Variants in KCTD1 observed in about 807,000 individuals in gnomAD.
KCTD1 encodes potassium channel tetramerization domain containing 1, also known as BTB/POZ domain-containing protein KCTD1.
A neutral mutation model predicts 66.0 loss-of-function variants in KCTD1; 24 were observed. The observed-to-expected ratio is 0.36, with a 90% CI of 0.26 to 0.51. KCTD1 has a LOEUF of 0.51. Among genes scored for constraint, KCTD1 ranks in the 20% least tolerant of loss-of-function variants. KCTD1 has a pLI of 0.95. For missense variants in KCTD1, 943 were observed against 1,205.2 expected (o/e 0.78, Z 3.22); for synonymous variants, 511 against 517.2 (o/e 0.99, Z 0.16).
At chr18:26,609,489 G>A (rs191765596) in intron 1 of KCTD1, among the ~76,000 whole-genome samples, 1 of 152,310 alleles carries the variant, frequency 6.6e-6, no homozygotes, top group East Asian at 1.9e-4. Context: ...TCTAAAAGTG[G>A]TGTCTCAATA....
chr18:26,556,673 A>G (rs976990625), intron 1 of KCTD1, among the ~76,000 whole-genome samples: 1 of 151,924 alleles, frequency 6.6e-6, no homozygotes, highest in East Asian at 1.9e-4. Flanking sequence ...TTACATTAAC[A>G]CTCTCGATTT....
At chr18:26,653,436 T>C (rs1262742761) in intron 1 of KCTD1, among the ~76,000 whole-genome samples, 1 of 152,228 alleles carries the variant, frequency 6.6e-6, no homozygotes, top group Non-Finnish European at 1.5e-5. Context: ...CAGGCCATTT[T>C]GGCCCTCTTT....
At chr18:26,599,193 A>G (rs1428562778) in intron 1 of KCTD1, among the ~76,000 whole-genome samples, 1 of 152,142 alleles carries the variant, frequency 6.6e-6, no homozygotes, top group East Asian at 1.9e-4. Context: ...ATGTATGATG[A>G]CTTTTATTTC....
intron 1 of KCTD1, among the ~76,000 whole-genome samples, chr18:26,531,749 A>G (rs1030188387): frequency 7.9e-5 from 12 of 152,124 alleles, no homozygotes; most frequent in Non-Finnish European, 1.6e-4. Context: ...CTCTTCCTAA[A>G]TTTGTTTGGT....
At chr18:26,506,159 G>T (rs1351120033) in intron 1 of KCTD1, among the ~76,000 whole-genome samples, 1 of 152,162 alleles carries the variant, frequency 6.6e-6, no homozygotes, top group Non-Finnish European at 1.5e-5. Flanking sequence ...TGAGATTATA[G>T]GTGTTAGCCA....
chr18:26,542,468 T>G (rs752223650), intron 1 of KCTD1, among the ~76,000 whole-genome samples: 2 of 152,224 alleles, frequency 1.3e-5, no homozygotes, highest in South Asian at 4.1e-4. Flanking sequence ...AGACACATAC[T>G]ACACAGGAAC....
At chr18:26,599,456 T>C in intron 1 of KCTD1, 1 of 1,611,890 alleles carries the variant, frequency 6.2e-7, no homozygotes, top group Non-Finnish European at 8.5e-7. Context: ...TGGTCTGGGA[T>C]AAGTCATCCC....
chr18:26,654,388 GC>G (rs1234510509), intron 1 of KCTD1, among the ~76,000 whole-genome samples: 5 of 152,016 alleles, frequency 3.3e-5, no homozygotes, highest in Non-Finnish European at 7.4e-5. Context: ...ATTACTGAAG[GC>G]TTCCCCCAAA....
intron 3 of KCTD1, chr18:26,460,949 G>A (rs1024083363): frequency 2.0e-5 from 3 of 152,218 alleles, no homozygotes; most frequent in Non-Finnish European, 4.4e-5. Flanking sequence ...TACTTGTCTA[G>A]ACATGTTGAC....
upstream of KCTD1, among the ~76,000 whole-genome samples, chr18:26,630,780 A>G (rs1256881477): frequency 6.6e-6 from 1 of 152,216 alleles, no homozygotes; most frequent in Non-Finnish European, 1.5e-5. Context: ...ATGGAACGCC[A>G]TTGTTATCTG....
intron 1 of KCTD1, among the ~76,000 whole-genome samples, chr18:26,592,694 G>A (rs1476131310): frequency 6.6e-6 from 1 of 152,164 alleles, no homozygotes; most frequent in East Asian, 1.9e-4. Context: ...TCTTCAGTGG[G>A]AAGTGCTCCA....
intron 1 of KCTD1, among the ~76,000 whole-genome samples, chr18:26,602,817 TC>T (rs1178008075): frequency 6.6e-6 from 1 of 152,194 alleles, no homozygotes; most frequent in Non-Finnish European, 1.5e-5. Flanking sequence ...ATAACAAATA[TC>T]CTAAAGAACA....
At chr18:26,624,932 C>G (rs918715683) in intron 1 of KCTD1, among the ~76,000 whole-genome samples, 10 of 152,218 alleles carry the variant, frequency 6.6e-5, no homozygotes, top group African/African-American at 2.2e-4. Context: ...CCACCTCTTG[C>G]ATCAGCATGA....
chr18:26,603,402 A>T (rs2144974778), intron 1 of KCTD1, among the ~76,000 whole-genome samples: 1 of 150,264 alleles, frequency 6.7e-6, no homozygotes, highest in South Asian at 2.1e-4. Flanking sequence ...ACTGCACTCC[A>T]GCCTGGGCAA....
intron 1 of KCTD1, among the ~76,000 whole-genome samples, chr18:26,604,321 T>G (rs982486749): frequency 6.6e-6 from 1 of 152,188 alleles, no homozygotes; most frequent in African/African-American, 2.4e-5. Context: ...AGAGTTTAAA[T>G]TAGTTCAACC....
chr18:26,501,119 G>A lies in KCTD1; in HGVS notation c.1941C>T (p.His647=). 1 of 1,614,204 alleles carries A rather than the reference G, an allele frequency of 6.2e-7. No individual in the cohort carries two copies. Among genetic ancestry groups the A allele is most frequent in the Non-Finnish European group, 8.5e-7 (1 of 1,180,030 alleles). The change falls in exon 2 of 5, where the codon CAC becomes CAT. Residue 647 remains histidine (H), a synonymous_variant. Transcript: ENST00000580059. ...GGGTGGCCAGGCTGCTGGTGTACAT[G>A]TGGCCGCCCACATCAATGTGGACAG... ...NAPVHIDVGG[H]MYTSSLATLT...
chr18:26,493,709 A>G (rs1429466584), intron 2 of KCTD1, among the ~76,000 whole-genome samples: 3 of 152,180 alleles, frequency 2.0e-5, no homozygotes, highest in Non-Finnish European at 2.9e-5. Context: ...AAACAATCCA[A>G]TTGTAACTTT....
At chr18:26,628,356 A>G (rs895448495) in intron 1 of KCTD1, among the ~76,000 whole-genome samples, 5 of 152,026 alleles carry the variant, frequency 3.3e-5, no homozygotes, top group Non-Finnish European at 7.4e-5. Flanking sequence ...ACACACACAG[A>G]CCTTTTTTCA....
chr18:26,582,532 G>T (rs1419174366), intron 1 of KCTD1, among the ~76,000 whole-genome samples: 1 of 152,158 alleles, frequency 6.6e-6, no homozygotes, highest in East Asian at 1.9e-4. Context: ...TTGATCTAAT[G>T]ATTCTAATTT....
Sources: gnomAD v4.1 joint callset for allele counts (sites outside exome capture counted in the v4.1 genomes callset) on GRCh38, gnomAD v4.1.1 for gene constraint, MANE v1.5 for transcripts, NCBI Gene and HGNC (gene_info 2026-07-23, HGNC 2026-07-21) for gene names.